Variants in NRXN3 observed in about 807,000 individuals in gnomAD.
NRXN3 encodes the protein neurexin 3.
Under a neutral mutation model 137.6 loss-of-function variants are expected in NRXN3, and 32 were observed. The observed-to-expected ratio is 0.23, with a 90% CI of 0.18 to 0.31. NRXN3 has a LOEUF of 0.31. NRXN3 is among the 10% of genes least tolerant of loss of function. The pLI is 1.00. For synonymous variants in NRXN3, 798 were observed against 784.5 expected, an observed-to-expected ratio of 1.02 and a Z score of -0.29; for missense variants, 1,574 against 2,062.5, an observed-to-expected ratio of 0.76 and a Z score of 4.59.
At chr14:79,774,137 A>G (rs2099089210) in intron 19 of NRXN3, among the ~76,000 whole-genome samples, 1 of 152,174 alleles carries the variant, frequency 6.6e-6, no homozygotes, top group South Asian at 2.1e-4. Context: ...TCTTTCAAGT[A>G]GTGGAAAGTT....
intron 15 of NRXN3, among the ~76,000 whole-genome samples, chr14:79,028,606 C>T (rs537566530): frequency 6.6e-6 from 1 of 152,176 alleles, no homozygotes; most frequent in East Asian, 1.9e-4. Flanking sequence ...CTGTTTACTG[C>T]AGTATAAATG....
At chr14:79,030,635 C>CTTTTTTT in intron 15 of NRXN3, among the ~76,000 whole-genome samples, 39 of 54,246 alleles carry the variant, frequency 7.2e-4, no homozygotes, top group East Asian at 2.2e-3. Context: ...TTCTCTGTGT[C>CTTTTTTT]TTTTTTTTTT....
At chr14:79,038,801 T>C (rs976749783) in intron 15 of NRXN3, among the ~76,000 whole-genome samples, 2 of 152,118 alleles carry the variant, frequency 1.3e-5, no homozygotes, top group African/African-American at 2.4e-5. Flanking sequence ...TTAACAGAAG[T>C]ACAGGCGAGC....
intron 16 of NRXN3, among the ~76,000 whole-genome samples, chr14:79,651,195 A>G (rs1026356290): frequency 3.3e-5 from 5 of 152,174 alleles, no homozygotes; most frequent in African/African-American, 1.2e-4. Flanking sequence ...GTCCACAGAG[A>G]AAGTTCCTCT....
At chr14:78,676,748 C>T (rs2098012145) in intron 6 of NRXN3, among the ~76,000 whole-genome samples, 1 of 152,066 alleles carries the variant, frequency 6.6e-6, no homozygotes, top group Non-Finnish European at 1.5e-5. Flanking sequence ...AAAGTCAGTG[C>T]CTGGCTTTAG....
At chr14:78,176,030 T>C (rs1461836495) in intron 1 of NRXN3, among the ~76,000 whole-genome samples, 2 of 152,198 alleles carry the variant, frequency 1.3e-5, no homozygotes, top group Non-Finnish European at 2.9e-5. Context: ...TGACACGTAG[T>C]AGGTGCTCAA....
chr14:78,792,860 G>A (rs1032428543), intron 8 of NRXN3, among the ~76,000 whole-genome samples: 2 of 152,032 alleles, frequency 1.3e-5, no homozygotes, highest in African/African-American at 4.8e-5. Flanking sequence ...TCACAAATAC[G>A]AACAAACTTT....
intron 4 of NRXN3, among the ~76,000 whole-genome samples, chr14:78,602,267 CTTTTTTTTT>C (rs370669288): frequency 8.7e-6 from 1 of 115,282 alleles, no homozygotes; most frequent in African/African-American, 3.7e-5. Context: ...TCACATTAGC[CTTTTTTTTT>C]TTTTTTTTTT....
intron 15 of NRXN3, among the ~76,000 whole-genome samples, chr14:79,111,011 T>C (rs2053413747): frequency 6.6e-6 from 1 of 152,052 alleles, no homozygotes; most frequent in Admixed American, 6.6e-5. Flanking sequence ...AGGATGGTCT[T>C]GATCTCCTGA....
At chr14:79,016,638 T>A (rs1271241883) in intron 15 of NRXN3, among the ~76,000 whole-genome samples, 1 of 152,174 alleles carries the variant, frequency 6.6e-6, no homozygotes, top group Non-Finnish European at 1.5e-5. Flanking sequence ...AGATTCCAGA[T>A]GCTACAGGTA....
intron 8 of NRXN3, among the ~76,000 whole-genome samples, chr14:78,781,197 G>A (rs2098768044): frequency 6.6e-6 from 1 of 152,052 alleles, no homozygotes. Flanking sequence ...GATAAAGCTT[G>A]TAAACATTTA....
chr14:79,222,215 TG>T (rs1206111039), intron 15 of NRXN3, among the ~76,000 whole-genome samples: 4 of 152,180 alleles, frequency 2.6e-5, no homozygotes, highest in African/African-American at 9.7e-5. Flanking sequence ...TCTTTTTGCT[TG>T]GGATTGTCTT....
chr14:79,702,650 C>T (rs1246781539), intron 19 of NRXN3, among the ~76,000 whole-genome samples: 1 of 151,926 alleles, frequency 6.6e-6, no homozygotes, highest in African/African-American at 2.4e-5. Context: ...AAATCTTGGC[C>T]TGAAACTTTG....
chr14:79,519,443 T>C (rs2097035761), intron 16 of NRXN3, among the ~76,000 whole-genome samples: 1 of 152,116 alleles, frequency 6.6e-6, no homozygotes, highest in Non-Finnish European at 1.5e-5. Context: ...GCCCTTTATG[T>C]TTTTCTTAAA....
At chr14:79,154,024 C>T (rs1034198465) in intron 15 of NRXN3, among the ~76,000 whole-genome samples, 5 of 151,964 alleles carry the variant, frequency 3.3e-5, no homozygotes, top group African/African-American at 9.7e-5. Context: ...GCATGGAACT[C>T]GCCAATAGCC....
At chr14:79,364,935 T>G (rs888189858) in intron 15 of NRXN3, among the ~76,000 whole-genome samples, 1 of 152,204 alleles carries the variant, frequency 6.6e-6, no homozygotes, top group Admixed American at 6.5e-5. Flanking sequence ...AGCACTCTTC[T>G]ATATATTGGT....
intron 16 of NRXN3, among the ~76,000 whole-genome samples, chr14:79,534,873 C>T (rs1409232344): frequency 6.6e-6 from 1 of 152,170 alleles, no homozygotes; most frequent in Non-Finnish European, 1.5e-5. Flanking sequence ...TTATAAGGCA[C>T]ATTCAAGTTG....
intron 16 of NRXN3, among the ~76,000 whole-genome samples, chr14:79,487,386 C>T (rs890996766): frequency 3.9e-5 from 6 of 152,032 alleles, no homozygotes; most frequent in Non-Finnish European, 5.9e-5. Context: ...TTTTCCTACC[C>T]GCTTTACAAA....
Position 78,439,198 on chromosome 14 carries a change from C to T in NRXN3, c.757+141338C>T, listed in dbSNP as rs570667187. Reference sequence around the variant, plus strand: ...AAAAATGACTTTTGGATCAAAACCCCAGAGGAGGGAAGAATAGTTTGTATC... The same window carrying T: ...AAAAATGACTTTTGGATCAAAACCCTAGAGGAGGGAAGAATAGTTTGTATC... On this transcript the variant is annotated intron_variant, in intron 4 of 20. Transcript: ENST00000335750. 1.1e-3 allele frequency among the ~76,000 whole-genome samples: 170 copies of T among 152,024 alleles called. 2 individuals are homozygous for T. Among genetic ancestry groups the T allele is most frequent in the Non-Finnish European group, 7.2e-4 (49 of 67,960 alleles).
Sources: allele counts gnomAD v4.1 joint callset (sites outside exome capture counted in the v4.1 genomes callset), GRCh38; gene constraint gnomAD v4.1.1; transcripts MANE v1.5; gene names NCBI Gene and HGNC (gene_info 2026-07-23, HGNC 2026-07-21).